The following DEUP1 variants were observed in gnomAD, a reference collection of about 807,000 sequenced individuals.
The protein encoded by DEUP1 is deuterosome assembly protein 1.
A neutral mutation model predicts 87.4 loss-of-function variants in DEUP1; 82 were observed. The observed-to-expected ratio is 0.94, with a 90% CI of 0.78 to 1.13. The LOEUF (loss-of-function observed/expected upper bound fraction) is 1.13. Among genes scored for constraint, DEUP1 ranks in the 50% most tolerant of loss-of-function variants. The pLI is 0.00. For synonymous variants in DEUP1, 214 were observed against 222.7 expected (o/e 0.96, Z 0.35); for missense variants, 663 against 681.5 (o/e 0.97, Z 0.30).
intron 12 of DEUP1, 60 bp downstream of exon 12, chr11:93,408,487 T>C: frequency 1.8e-6 from 2 of 1,113,776 alleles, no homozygotes; most frequent in Non-Finnish European, 2.5e-6. Flanking sequence ...AAATTTATTT[T>C]TAAAGAATTC....
chr11:93,376,190 C>A (rs902257159), intron 7 of DEUP1, among the ~76,000 whole-genome samples: 1 of 152,104 alleles, frequency 6.6e-6, no homozygotes, highest in African/African-American at 2.4e-5. Flanking sequence ...ATGATCTGCC[C>A]GCCTTGGCCT....
intron 12 of DEUP1, 26 bp from the exon 13 acceptor site, chr11:93,414,974 A>G (rs781067104): frequency 7.6e-7 from 1 of 1,318,182 alleles, no homozygotes; most frequent in Admixed American, 2.5e-5. Context: ...TGATAGCAAC[A>G]ACAACAACCA....
intron 2 of DEUP1, among the ~76,000 whole-genome samples, chr11:93,339,592 G>C (rs4559645): frequency 0.34 from 51,781 of 152,040 alleles, 9,384 homozygotes; most frequent in Non-Finnish European, 0.42. Context: ...GGCATAATTG[G>C]TGCAATGGCC....
intron 8 of DEUP1, among the ~76,000 whole-genome samples, chr11:93,388,692 C>G (rs1473893136): frequency 6.6e-6 from 1 of 152,096 alleles, no homozygotes; most frequent in African/African-American, 2.4e-5. Context: ...AAATGGGTTA[C>G]CAAGCTATTT....
intron 2 of DEUP1, among the ~76,000 whole-genome samples, chr11:93,348,035 CG>C (rs1166081470): frequency 6.6e-6 from 1 of 152,156 alleles, no homozygotes; most frequent in East Asian, 1.9e-4. Flanking sequence ...CCACCGCACC[CG>C]GCCCAGAGAT....
In DEUP1 at chr11:93,414,982, C is replaced by T. The variant is rs375229049; in HGVS notation, c.1524-18C>T. ...GTGTCCTTGATAGCAACAACAACAA[C>T]CATTTCTTCTCTTTTAGACTTAGTC... is the stretch of plus-strand genomic sequence containing the variant. On this transcript the variant is annotated intron_variant, in intron 12 of 13. Transcript: ENST00000298050. 1.4e-5 allele frequency: 20 copies of T among 1,380,526 alleles called. No individual in the cohort carries two copies. The Middle Eastern group carries it at 7.5e-4, about 52-fold the overall frequency. 85.5% of individuals were successfully genotyped at this position (1,380,526 alleles called of 1,614,324 possible). A position where few individuals can be genotyped will look rare whatever the true frequency, so the allele number is the denominator to read the frequency against.
At chr11:93,373,619 A>ATATG (rs1176931542) in intron 7 of DEUP1, among the ~76,000 whole-genome samples, 2 of 30,970 alleles carry the variant, frequency 6.5e-5, no homozygotes, top group East Asian at 3.1e-3. Flanking sequence ...ATATGTATAT[A>ATATG]TATACGTATA....
chr11:93,414,904 C>T, intron 12 of DEUP1, 96 bp from the exon 13 acceptor site: 2 of 577,850 alleles, frequency 3.5e-6, no homozygotes, highest in South Asian at 9.1e-5. Context: ...GTTGTGCTTT[C>T]CCCCTACTTG....
intron 11 of DEUP1, among the ~76,000 whole-genome samples, chr11:93,400,386 C>G (rs1428248753): frequency 6.6e-6 from 1 of 150,760 alleles, no homozygotes; most frequent in Non-Finnish European, 1.5e-5. Context: ...ATACATCAGC[C>G]CAATCCTCTG....
At chr11:93,345,799 G>C (rs553600056) in intron 2 of DEUP1, among the ~76,000 whole-genome samples, 1 of 152,190 alleles carries the variant, frequency 6.6e-6, no homozygotes, top group African/African-American at 2.4e-5. Context: ...CTCCCCTTCT[G>C]TAGGTTGTCT....
At chr11:93,342,522 G>A (rs909661637) in intron 2 of DEUP1, among the ~76,000 whole-genome samples, 2 of 152,202 alleles carry the variant, frequency 1.3e-5, no homozygotes, top group Admixed American at 1.3e-4. Context: ...TCAGGGATGT[G>A]TAGGGTACCC....
chr11:93,364,119 A>G (rs1217022188), intron 4 of DEUP1, 41 bp from the exon 5 acceptor site: 3 of 1,400,250 alleles, frequency 2.1e-6, no homozygotes, highest in Non-Finnish European at 3.0e-6. Flanking sequence ...GTTAGAAATA[A>G]TTGGTAATAG....
intron 13 of DEUP1, 120 bp from the exon 14 acceptor site, chr11:93,437,423 T>A: frequency 1.4e-6 from 1 of 701,838 alleles, no homozygotes; most frequent in Non-Finnish European, 2.4e-6. Flanking sequence ...GCCCAGGATG[T>A]ATTCTTTCAT....
At chr11:93,399,464 T>A (rs1947049079) in intron 11 of DEUP1, among the ~76,000 whole-genome samples, 1 of 151,958 alleles carries the variant, frequency 6.6e-6, no homozygotes, top group Non-Finnish European at 1.5e-5. Flanking sequence ...TCATATTTTA[T>A]GTTTTTCAAA....
intron 2 of DEUP1, among the ~76,000 whole-genome samples, chr11:93,332,840 C>G (rs1943558875): frequency 6.6e-6 from 1 of 152,242 alleles, no homozygotes; most frequent in Non-Finnish European, 1.5e-5. Context: ...TCTTTACCTG[C>G]TACCTGCATC....
At chr11:93,411,468 G>A (rs770682498) in intron 12 of DEUP1, among the ~76,000 whole-genome samples, 2 of 152,016 alleles carry the variant, frequency 1.3e-5, no homozygotes, top group African/African-American at 2.4e-5. Flanking sequence ...GAAGCAACTC[G>A]GTTTTGTTGT....
chr11:93,412,893 T>C (rs1031638036), intron 12 of DEUP1, among the ~76,000 whole-genome samples: 2 of 152,102 alleles, frequency 1.3e-5, no homozygotes, highest in African/African-American at 4.8e-5. Context: ...ATGGTAATTA[T>C]AGTTTGGGAG....
At chr11:93,437,462 A>G in intron 13 of DEUP1, 81 bp from the exon 14 acceptor site, 2 of 1,046,582 alleles carry the variant, frequency 1.9e-6, no homozygotes, top group Non-Finnish European at 2.8e-6. Flanking sequence ...ACAGTATGTC[A>G]GGGATGAAGC....
chr11:93,412,744 T>A (rs1055020235), intron 12 of DEUP1, among the ~76,000 whole-genome samples: 5 of 152,164 alleles, frequency 3.3e-5, no homozygotes, highest in African/African-American at 9.6e-5. Flanking sequence ...GACAGTAACC[T>A]CACTCAAAAG....
Sources: gnomAD v4.1 joint callset for allele counts (sites outside exome capture counted in the v4.1 genomes callset) on GRCh38, gnomAD v4.1.1 for gene constraint, MANE v1.5 for transcripts, NCBI Gene and HGNC (gene_info 2026-07-23, HGNC 2026-07-21) for gene names.